The following GHDC variants were observed in gnomAD, a reference collection of about 807,000 sequenced individuals.
GHDC encodes the protein GH3 domain-containing protein.
GHDC carries 39 observed loss-of-function variants against 51.5 expected under a neutral mutation model. The ratio of observed to expected loss-of-function variants is 0.76; its 90% CI spans 0.59 to 0.99. The LOEUF (loss-of-function observed/expected upper bound fraction) is 0.99, where lower values mean the gene tolerates loss of function less well. Ranked by LOEUF, GHDC falls within the 50% of genes least tolerant of loss-of-function variation. The pLI, the probability that GHDC is intolerant of heterozygous loss-of-function variation, is 0.00. For missense variants in GHDC, 610 were observed against 672.8 expected (o/e 0.91, Z 1.03); for synonymous variants, 282 against 305.2 (o/e 0.92, Z 0.79).
rs1359869763 is a variant in GHDC at position 42,193,825 on chromosome 17, G to A, written c.-72C>T. On this transcript the variant is annotated 5_prime_UTR_variant, in exon 2 of 10. Transcript: ENST00000587427. ...CTGTAGGGCCCTGAGCAATTTAGTG[G>A]GCTGCACTGAGCTCTGTTTCCTGAT... 3.6e-6 allele frequency: 2 copies of A among 558,702 alleles called. No homozygotes were observed. The highest frequency in any genetic ancestry group is 6.6e-5 in the Admixed American group (2 of 30,350). The allele number at this position is 558,702 out of a possible 1,614,324, so 34.6% of individuals were successfully genotyped here. A position where few individuals can be genotyped will look rare whatever the true frequency, so the allele number is the denominator to read the frequency against.
At position 42,192,602 on chromosome 17, in the gene GHDC, G is replaced by A. The variant is rs373251396; in HGVS notation, c.528C>T (p.Thr176=). The change falls in exon 5 of 10, where the codon ACC becomes ACT. Residue 176 remains threonine (T), a synonymous_variant. Transcript: ENST00000587427. ...WPGNTLGQVG[T]PGTKDPRALL... is the part of the protein sequence containing the mutation. ...GGGCCCTAGGGTCCTTGGTTCCAGG[G>A]GTGCCCACCTGGCCCAGGGTATTCC... 24 of 1,613,570 alleles carry A rather than the reference G, an allele frequency of 1.5e-5. No individual in the cohort carries two copies. In the African/African-American group the frequency reaches 1.7e-4, roughly 12 times the overall value.
At chr17:42,191,528 G>C (rs1392219596) in intron 5 of GHDC, among the ~76,000 whole-genome samples, 1 of 149,738 alleles carries the variant, frequency 6.7e-6, no homozygotes, top group African/African-American at 2.5e-5. Context: ...GTGCGATCTC[G>C]GCTCAGTGAT....
chr17:42,190,084 C>G (rs1389171409), intron 9 of GHDC, 101 bp downstream of exon 9: 5 of 1,464,198 alleles, frequency 3.4e-6, no homozygotes, highest in Non-Finnish European at 4.6e-6. Context: ...AGCTTCTCCT[C>G]CGCCACCCCT....
intron 8 of GHDC, 91 bp from the exon 9 acceptor site, chr17:42,190,361 T>C: frequency 6.2e-7 from 1 of 1,606,742 alleles, no homozygotes; most frequent in Non-Finnish European, 8.5e-7. Flanking sequence ...TTCCCCACTC[T>C]GAGATTCATA....
Position 42,189,792 on chromosome 17 carries a change from AGGCAGCGAGGGCTGCCCG to A in GHDC, c.1486_1503del (p.Arg496_Ala501del), listed in dbSNP as rs765258680. On this transcript the variant is annotated inframe_deletion, in exon 10 of 10. Transcript: ENST00000587427. ...GCAGGGGGGAAGGGGGAGGAGGGGC[AGGCAGCGAGGGCTGCCCG>A]GAGTGCTCGGAAGGCTCCCTGCCCC... 2 of 1,546,122 alleles carry A rather than the reference AGGCAGCGAGGGCTGCCCG, an allele frequency of 1.3e-6. No homozygotes were observed. Among genetic ancestry groups the A allele is most frequent in the East Asian group, 4.7e-5 (2 of 42,468 alleles).
Position 42,190,909 on chromosome 17 carries a change from G to T in GHDC, c.1083-6C>A. The T allele has an allele frequency of 6.2e-7, 1 of 1,605,900 alleles. No individual in the cohort carries two copies. The highest frequency in any genetic ancestry group is 2.2e-5 in the East Asian group (1 of 44,820). ...CCACATCACCCAGGCGGCACCTGAT[G>T]GGGTGCAAGTGGGAGTGAGGTCGGG... is the stretch of plus-strand genomic sequence containing the variant. On this transcript the variant is annotated splice_region_variant and splice_polypyrimidine_tract_variant and intron_variant, in intron 6 of 9. Transcript: ENST00000587427.
Position 42,189,561 on chromosome 17 carries a change from C to G in GHDC, c.*142G>C, listed in dbSNP as rs571566582. 8.2e-6 allele frequency: 4 copies of G among 490,784 alleles called. No individual in the cohort carries two copies. In the East Asian group the frequency reaches 1.3e-4, roughly 17 times the overall value. 30.4% of individuals were successfully genotyped at this position (490,784 alleles called of 1,614,324 possible). A position where few individuals can be genotyped will look rare whatever the true frequency, so the allele number is the denominator to read the frequency against. On this transcript the variant is annotated 3_prime_UTR_variant, in exon 10 of 10. Transcript: ENST00000587427. ...ACCGGTCAGCTGGGCCAAGGCCTCT[C>G]TAAGGCCCAGCGGCTCTCATGGGCA...
rs1300019264 is a variant in GHDC, at chr17:42,189,831, G to A, written c.1465C>T (p.Gln489Ter). The A allele has an allele frequency of 1.5e-5, 23 of 1,560,172 alleles. No individual in the cohort carries two copies. Among genetic ancestry groups the A allele is most frequent in the Non-Finnish European group, 2.0e-5 (23 of 1,153,266 alleles). ...VGPARVHLVG[Q>*]GAFRALRAAL... ...GCCCGGAGTGCTCGGAAGGCTCCCT[G>A]CCCCACCAGGTGGACTCTGGCAGGG... The change falls in exon 10 of 10, where the codon CAG (glutamine) becomes TAG (stop). Residue 489 changes from glutamine to a stop codon, truncating the protein, a stop_gained. Transcript: ENST00000587427. LOFTEE classifies it high-confidence loss of function.
rs2144163899 is a variant in GHDC, at chr17:42,190,771, A to G, written c.1155-14T>C. ...GTCTGGTCCAGCCTGAAGAGGAGGA[A>G]GGGAGAGGCAGTGGAGCCCAGGACA... On this transcript the variant is annotated splice_polypyrimidine_tract_variant and intron_variant, in intron 7 of 9. Transcript: ENST00000587427. The G allele has an allele frequency of 6.2e-7, 1 of 1,614,028 alleles. No homozygotes were observed. The highest frequency in any genetic ancestry group is 2.2e-5 in the East Asian group (1 of 44,892).
chr17:42,190,867 G>A lies in GHDC; in HGVS notation c.1119C>T (p.Ala373=), dbSNP rs1228237861. ...ACCTGACGACTGGACACTGATTGTA[G>A]GCACCAACCACTCGCACCACATCAC... ...RLGDVVRVVG[A]YNQCPVVRFI... The change falls in exon 7 of 10, where the codon GCC becomes GCT. Residue 373 remains alanine (A), a synonymous_variant. Transcript: ENST00000587427. 1.9e-6 allele frequency: 3 copies of A among 1,611,764 alleles called. No homozygotes were observed. The highest frequency in any genetic ancestry group is 2.5e-6 in the Non-Finnish European group (3 of 1,179,388).
At chr17:42,193,160 G>A in intron 3 of GHDC, 133 bp from the exon 4 acceptor site, 1 of 1,541,938 alleles carries the variant, frequency 6.5e-7, no homozygotes, top group Non-Finnish European at 8.8e-7. Flanking sequence ...CCCAGCATGG[G>A]AAATTCATCT....
At position 42,189,789 on chromosome 17, in the gene GHDC, G is replaced by A. The variant is rs780198489; in HGVS notation, c.1507C>T (p.Pro503Ser). The A allele has an allele frequency of 1.3e-6, 2 of 1,546,616 alleles. No homozygotes were observed. The highest frequency in any genetic ancestry group is 2.4e-5 in the East Asian group (1 of 42,546). The change falls in exon 10 of 10, where the codon CCC (proline) becomes TCC (serine). Residue 503 changes from proline (P) to serine (S), a missense_variant. This residue lies in a region of GHDC where 412 missense variants were observed against 410.4 expected (regional missense o/e 1.00). Transcript: ENST00000587427. ...RALRAALAAC[P>S]SSPFPPAMPR... The stretch of plus-strand genomic sequence containing the variant: ...ATCGCAGGGGGGAAGGGGGAGGAGG[G>A]GCAGGCAGCGAGGGCTGCCCGGAGT...
In GHDC at chr17:42,193,390, C is replaced by T; in HGVS notation, c.192G>A (p.Gln64=). ...ACCACCTCAGGGCCTGCTGCTGGCT[C>T]TGGTGCACATGGAGCGTGCTCTGCT... The part of the protein sequence containing the change: ...RLEQSTLHVH[Q]SQQQALRWCL... The change falls in exon 3 of 10, where the codon CAG becomes CAA. Residue 64 remains glutamine (Q), a synonymous_variant. Transcript: ENST00000587427. 6.3e-7 allele frequency: 1 copy of T among 1,598,854 alleles called. No homozygotes were observed. The highest frequency in any genetic ancestry group is 8.5e-7 in the Non-Finnish European group (1 of 1,173,160).
chr17:42,193,412 T>TGCG lies in GHDC; in HGVS notation c.169_170insCGC (p.Glu56_Gln57insPro). On this transcript the variant is annotated inframe_insertion, in exon 3 of 10. Transcript: ENST00000587427. ...GCTCTGGTGCACATGGAGCGTGCTCTGCTCCAGCCTCCGCCGCTGCCAGGT... is the reference window on the plus strand; with the variant it reads ...GCTCTGGTGCACATGGAGCGTGCTCTGCGGCTCCAGCCTCCGCCGCTGCCAGGT... 1 of 1,578,726 alleles carries TGCG rather than the reference T, an allele frequency of 6.3e-7. No individual in the cohort carries two copies. The highest frequency in any genetic ancestry group is 1.2e-5 in the South Asian group (1 of 86,306).
intron 2 of GHDC, 79 bp from the exon 3 acceptor site, chr17:42,193,673 AAAACCGAG>A: frequency 7.0e-7 from 1 of 1,426,564 alleles, no homozygotes; most frequent in Non-Finnish European, 9.2e-7. Flanking sequence ...TGCATACAGG[AAAACCGAG>A]GAAAAATGAA....
rs565115379 is a variant in GHDC, at chr17:42,189,924, G to A, written c.1375-3C>T. The A allele has an allele frequency of 1.3e-6, 2 of 1,526,622 alleles. No individual in the cohort carries two copies. The highest frequency in any genetic ancestry group is 2.5e-5 in the South Asian group (2 of 80,038). The allele number at this position is 1,526,622 out of a possible 1,614,324, so 94.6% of individuals were successfully genotyped here. A position where few individuals can be genotyped will look rare whatever the true frequency, so the allele number is the denominator to read the frequency against. ...GCTTCCTGAAGGCAGTGGTCCAGCT[G>A]GGAACAGAACAGCCTGAGTGAGCTG... On this transcript the variant is annotated splice_polypyrimidine_tract_variant and splice_region_variant and intron_variant, in intron 9 of 9. Transcript: ENST00000587427.
Position 42,193,837 on chromosome 17 carries a change from C to T in GHDC, c.-84G>A. ...GAGCAATTTAGTGGGCTGCACTGAG[C>T]TCTGTTTCCTGATCTGCAAAATGGG... is the stretch of plus-strand genomic sequence containing the variant. On this transcript the variant is annotated 5_prime_UTR_variant, in exon 2 of 10. Transcript: ENST00000587427. The T allele has an allele frequency of 1.9e-6, 1 of 518,640 alleles. No individual in the cohort carries two copies. Among genetic ancestry groups the T allele is most frequent in the Non-Finnish European group, 3.4e-6 (1 of 294,872 alleles). The allele number at this position is 518,640 out of a possible 1,614,324, so 32.1% of individuals were successfully genotyped here. A position where few individuals can be genotyped will look rare whatever the true frequency, so the allele number is the denominator to read the frequency against.
At position 42,189,522 on chromosome 17, in the gene GHDC, GC is replaced by G; in HGVS notation, c.*180del. The stretch of plus-strand genomic sequence containing the variant: ...CTGCTGGCATCTGCTAACCCCGGAG[GC>G]CCATACTTCAGAACCGGTCAGCTGG... On this transcript the variant is annotated 3_prime_UTR_variant, in exon 10 of 10. Coordinates refer to ENST00000587427, the MANE Select transcript of GHDC (RefSeq NM_032484.5). The G allele has an allele frequency of 2.3e-6, 1 of 426,028 alleles. No homozygotes were observed. The allele number at this position is 426,028 out of a possible 1,614,324, so 26.4% of individuals were successfully genotyped here. A position where few individuals can be genotyped will look rare whatever the true frequency, so the allele number is the denominator to read the frequency against.
Position 42,190,831 on chromosome 17 carries a change from C to A in GHDC, c.1154+1G>T. ...CCCTTCAGCTCCCCGGGGTCACCTA[C>A]CTGCAGATGAACCTGACGACTGGAC... is the stretch of plus-strand genomic sequence containing the variant. On this transcript the variant is annotated splice_donor_variant, in intron 7 of 9. Transcript: ENST00000587427. LOFTEE classifies it high-confidence loss of function. The A allele has an allele frequency of 2.5e-6, 4 of 1,613,634 alleles. No homozygotes were observed. Among genetic ancestry groups the A allele is most frequent in the Non-Finnish European group, 3.4e-6 (4 of 1,179,892 alleles).
Sources: allele counts gnomAD v4.1 joint callset (sites outside exome capture counted in the v4.1 genomes callset), GRCh38; gene constraint gnomAD v4.1.1; regional missense constraint gnomAD v4.1.1; transcripts MANE v1.5; gene names NCBI Gene and HGNC (gene_info 2026-07-23, HGNC 2026-07-21).